The following CDH2 variants were observed in gnomAD, a reference collection of about 807,000 sequenced individuals.
CDH2 encodes cadherin-2.
A neutral mutation model predicts 92.0 loss-of-function variants in CDH2; 17 were observed. That is an observed-to-expected ratio of 0.18 (90% CI 0.13 to 0.28). The LOEUF is 0.28. Among genes scored for constraint, CDH2 ranks in the 10% least tolerant of loss-of-function variants. The pLI is 1.00. For synonymous variants in CDH2, 419 were observed against 415.9 expected (o/e 1.01, Z -0.09); for missense variants, 862 against 1,133.1 (o/e 0.76, Z 3.44).
chr18:28,012,014 A>G, intron 3 of CDH2, 22 bp from the exon 4 acceptor site: 1 of 1,603,984 alleles, frequency 6.2e-7, no homozygotes, highest in Non-Finnish European at 8.5e-7. Flanking sequence ...AATAGAAGAC[A>G]TTCCTGAGTA....
intron 2 of CDH2, among the ~76,000 whole-genome samples, chr18:28,046,392 T>C (rs763656777): frequency 2.7e-4 from 41 of 152,156 alleles, no homozygotes; most frequent in Non-Finnish European, 5.0e-4. Flanking sequence ...AATTATTTCT[T>C]TAAAAATGTT....
intron 2 of CDH2, among the ~76,000 whole-genome samples, chr18:28,092,160 G>A (rs935403058): frequency 2.0e-5 from 3 of 151,862 alleles, no homozygotes; most frequent in Non-Finnish European, 2.9e-5. Context: ...ACACACCTAC[G>A]AACCAAAAAT....
At chr18:28,109,036 T>TTA (rs1336643986) in intron 2 of CDH2, among the ~76,000 whole-genome samples, 1 of 152,168 alleles carries the variant, frequency 6.6e-6, no homozygotes, top group Non-Finnish European at 1.5e-5. Flanking sequence ...ATGATTAATC[T>TTA]TATTAAACCA....
rs781022467 is a variant in CDH2, at chr18:27,963,387, G to A, written c.2484C>T (p.His828=). Residue 828 remains histidine, a synonymous_variant, in exon 15 of 16, where the codon CAC becomes CAT. Transcript: ENST00000269141. ...PQYPVRSAAP[H]PGDIGDFINE... ...TAATGAAGTCCCCAATGTCTCCAGG[G>A]TGTGGGGCTGCAGATCGGACCGGAT... 1 of 1,614,074 alleles carries A rather than the reference G, an allele frequency of 6.2e-7. No individual in the cohort carries two copies. The highest frequency in any genetic ancestry group is 1.1e-5 in the South Asian group (1 of 91,084).
At position 27,945,001 on chromosome 18, in the gene CDH2, G is replaced by A. The variant is rs1234925649; in HGVS notation, c.1152-11877C>T. Among the ~76,000 whole-genome samples, 5 of 152,122 alleles carry A rather than the reference G, an allele frequency of 3.3e-5. No individual in the cohort carries two copies. In the East Asian group the frequency reaches 7.8e-4, roughly 24 times the overall value. On this transcript the variant is annotated intron_variant, in intron 6 of 6. Coordinates refer to the CDH2 transcript ENST00000675173. ...TCTCAGATTTTAAGTTGTACCTATC[G>A]TTAGCATATCCATTTGTTGTACTAG...
At chr18:28,106,957 T>TCA (rs1175099609) in intron 2 of CDH2, among the ~76,000 whole-genome samples, 2 of 152,166 alleles carry the variant, frequency 1.3e-5, no homozygotes, top group South Asian at 2.1e-4. Context: ...AAATACATAC[T>TCA]CACACACACA....
At chr18:28,138,853 T>G (rs1411442682) in intron 2 of CDH2, among the ~76,000 whole-genome samples, 3 of 152,070 alleles carry the variant, frequency 2.0e-5, no homozygotes, top group Non-Finnish European at 4.4e-5. Context: ...TCAGTTAAAC[T>G]TGAATCACTT....
intron 14 of CDH2, among the ~76,000 whole-genome samples, chr18:27,977,398 C>T (rs906452928): frequency 6.6e-6 from 1 of 151,946 alleles, no homozygotes; most frequent in Non-Finnish European, 1.5e-5. Context: ...CCTTAGGCAC[C>T]TCTTAGTTAT....
chr18:28,136,386 CTTTT>C (rs75569427), intron 2 of CDH2, among the ~76,000 whole-genome samples: 2 of 137,536 alleles, frequency 1.5e-5, no homozygotes, highest in Non-Finnish European at 3.2e-5. Flanking sequence ...TTGCTGTAAT[CTTTT>C]TTTTTTTTTT....
chr18:28,040,998 G>A (rs1047904933), intron 2 of CDH2, among the ~76,000 whole-genome samples: 1 of 152,098 alleles, frequency 6.6e-6, no homozygotes, highest in African/African-American at 2.4e-5. Flanking sequence ...ATGACACAGT[G>A]GTGGAACTAA....
rs76700901 is a variant in CDH2, at chr18:27,954,034, A to G, written c.2515-1675T>C. Reference sequence around the variant, plus strand: ...TTTTCTCATCTCCAGGTACCTCTTTACTAACAATCCATGAAATTTAGCAGT... The same window carrying G: ...TTTTCTCATCTCCAGGTACCTCTTTGCTAACAATCCATGAAATTTAGCAGT... On this transcript the variant is annotated intron_variant, in intron 15 of 15. Transcript: ENST00000269141. Among the ~76,000 whole-genome samples the G allele has an allele frequency of 3.0e-4, 46 of 152,298 alleles. No individual in the cohort carries two copies. The East Asian group carries it at 7.7e-3, about 26-fold the overall frequency.
chr18:28,067,245 A>T (rs1263804964), intron 2 of CDH2, among the ~76,000 whole-genome samples: 1 of 152,168 alleles, frequency 6.6e-6, no homozygotes, highest in Non-Finnish European at 1.5e-5. Context: ...TCACTCATTT[A>T]AAGTATATAA....
intron 2 of CDH2, among the ~76,000 whole-genome samples, chr18:28,125,172 T>C (rs2015656079): frequency 6.6e-6 from 1 of 152,300 alleles, no homozygotes; most frequent in Non-Finnish European, 1.5e-5. Context: ...GGTCCTCAAC[T>C]TCTGGTGGGA....
downstream of CDH2, among the ~76,000 whole-genome samples, chr18:27,950,297 T>A (rs563405116): frequency 6.6e-6 from 1 of 152,290 alleles, no homozygotes; most frequent in East Asian, 1.9e-4. Context: ...GTGTGATGAT[T>A]AAGAAACAAA....
intron 2 of CDH2, among the ~76,000 whole-genome samples, chr18:28,031,517 A>C (rs187076568): frequency 6.6e-6 from 1 of 152,194 alleles, no homozygotes; most frequent in Non-Finnish European, 1.5e-5. Flanking sequence ...TCCTTAACAA[A>C]GCCCCTGGCC....
intron 2 of CDH2, among the ~76,000 whole-genome samples, chr18:28,145,078 G>T (rs2016014727): frequency 6.6e-6 from 1 of 151,990 alleles, no homozygotes; most frequent in Non-Finnish European, 1.5e-5. Context: ...TATGTTAATT[G>T]TTGGAAAAAT....
intron 2 of CDH2, among the ~76,000 whole-genome samples, chr18:28,134,485 A>G (rs564834379): frequency 6.6e-6 from 1 of 152,248 alleles, no homozygotes; most frequent in Non-Finnish European, 1.5e-5. Context: ...CAAGGTGGGA[A>G]GATTGCTCAG....
intron 1 of CDH2, among the ~76,000 whole-genome samples, chr18:28,154,535 C>G (rs2016178040): frequency 2.0e-5 from 3 of 152,262 alleles, no homozygotes; most frequent in Non-Finnish European, 4.4e-5. Flanking sequence ...GTTCTGCTTG[C>G]CTGTGAGTAT....
chr18:28,170,054 A>G (rs1158761993), intron 1 of CDH2, among the ~76,000 whole-genome samples: 1 of 152,240 alleles, frequency 6.6e-6, no homozygotes, highest in African/African-American at 2.4e-5. Flanking sequence ...TCAGGCACTG[A>G]GAACTCAGCA....
Sources: allele counts gnomAD v4.1 joint callset (sites outside exome capture counted in the v4.1 genomes callset), GRCh38; gene constraint gnomAD v4.1.1; transcripts MANE v1.5; gene names NCBI Gene and HGNC (gene_info 2026-07-23, HGNC 2026-07-21).